PARD3B: variants seen among roughly 807,000 people sequenced by gnomAD.
PARD3B encodes the protein partitioning defective 3 homolog B.
A neutral mutation model predicts 130.2 loss-of-function variants in PARD3B; 103 were observed. The observed-to-expected ratio is 0.79, with a 90% confidence interval of 0.67 to 0.93. PARD3B has a LOEUF of 0.93. Among genes scored for constraint, PARD3B ranks in the 40% least tolerant of loss-of-function variants. PARD3B has a pLI of 0.00. For missense variants in PARD3B, 1,609 were observed against 1,499.2 expected (o/e 1.07, Z -1.21); for synonymous variants, 583 against 553.2 (o/e 1.05, Z -0.76).
chr2:205,003,141 G>A (rs963771289), intron 3 of PARD3B, among the ~76,000 whole-genome samples: 1 of 152,242 alleles, frequency 6.6e-6, no homozygotes, highest in East Asian at 1.9e-4. Flanking sequence ...GGCAATGGCC[G>A]TCCGGTCTTT....
intron 22 of PARD3B, among the ~76,000 whole-genome samples, chr2:205,554,515 T>TA: frequency 6.6e-6 from 1 of 152,244 alleles, no homozygotes; most frequent in South Asian, 2.1e-4. Context: ...TTTATAAAGT[T>TA]ATATTTTATT....
chr2:205,374,109 A>C (rs955171365), intron 18 of PARD3B, among the ~76,000 whole-genome samples: 1 of 152,176 alleles, frequency 6.6e-6, no homozygotes, highest in Non-Finnish European at 1.5e-5. Flanking sequence ...GCAAAAGAGA[A>C]AGAGGGAAAT....
At chr2:204,760,327 T>C (rs1039682015) in intron 2 of PARD3B, among the ~76,000 whole-genome samples, 2 of 152,100 alleles carry the variant, frequency 1.3e-5, no homozygotes, top group Non-Finnish European at 2.9e-5. Context: ...TTTGCTTGTA[T>C]TGATTTTTGT....
intron 22 of PARD3B, among the ~76,000 whole-genome samples, chr2:205,594,045 G>T (rs73062208): frequency 0.02 from 3,067 of 152,314 alleles, 94 homozygotes; most frequent in African/African-American, 0.069. Context: ...CTTGCAGAGG[G>T]CAGGCTGAAG....
intron 13 of PARD3B, among the ~76,000 whole-genome samples, chr2:205,185,425 G>T (rs1253726604): frequency 6.6e-6 from 1 of 152,070 alleles, no homozygotes; most frequent in Non-Finnish European, 1.5e-5. Context: ...AAATATTAAG[G>T]CATAAAACAG....
At chr2:204,781,403 A>G (rs1402207407) in intron 2 of PARD3B, among the ~76,000 whole-genome samples, 1 of 152,180 alleles carries the variant, frequency 6.6e-6, no homozygotes, top group African/African-American at 2.4e-5. Context: ...ACATGTAAAC[A>G]TCTGTACTTG....
intron 22 of PARD3B, among the ~76,000 whole-genome samples, chr2:205,560,391 G>A (rs886594413): frequency 2.0e-5 from 3 of 151,904 alleles, no homozygotes; most frequent in Non-Finnish European, 2.9e-5. Context: ...CGTTCCCTTG[G>A]GCCCTTTGTT....
chr2:204,837,422 CT>C (rs201988854), intron 2 of PARD3B, among the ~76,000 whole-genome samples: 14,733 of 139,980 alleles, frequency 0.11, 804 homozygotes, highest in East Asian at 0.24. Flanking sequence ...ATAAAAATTA[CT>C]TTTTTTTTTT....
At chr2:205,450,993 C>G (rs2048081638) in intron 20 of PARD3B, among the ~76,000 whole-genome samples, 1 of 152,170 alleles carries the variant, frequency 6.6e-6, no homozygotes, top group East Asian at 1.9e-4. Context: ...CAGACTAGTC[C>G]AATTTCTATG....
At chr2:204,563,217 G>GTCTCTGTCTC (rs1553541987) in intron 1 of PARD3B, among the ~76,000 whole-genome samples, 1 of 86,598 alleles carries the variant, frequency 1.2e-5, no homozygotes, top group African/African-American at 4.5e-5. Flanking sequence ...TCTTCCCGCT[G>GTCTCTGTCTC]TCTCTCTCTC....
chr2:204,696,270 A>T (rs574879488), intron 2 of PARD3B, among the ~76,000 whole-genome samples: 1 of 151,950 alleles, frequency 6.6e-6, no homozygotes, highest in African/African-American at 2.4e-5. Flanking sequence ...TTAACGGAAG[A>T]AAAAAACGGA....
At chr2:205,035,313 A>G (rs897917274) in intron 3 of PARD3B, among the ~76,000 whole-genome samples, 42 of 152,256 alleles carry the variant, frequency 2.8e-4, no homozygotes, top group African/African-American at 9.9e-4. Context: ...TCACACATAC[A>G]TACTTGTAAC....
At chr2:205,390,333 G>T (rs1023332359) in intron 18 of PARD3B, among the ~76,000 whole-genome samples, 1 of 151,610 alleles carries the variant, frequency 6.6e-6, no homozygotes, top group Non-Finnish European at 1.5e-5. Context: ...TACTTTCTGT[G>T]ATGTGCAGCA....
chr2:205,238,886 G>GTATA (rs372313084), intron 15 of PARD3B, among the ~76,000 whole-genome samples: 2,786 of 91,968 alleles, frequency 0.03, 97 homozygotes, highest in South Asian at 0.06. Context: ...ATGTATGTGT[G>GTATA]TATATATATA....
intron 3 of PARD3B, among the ~76,000 whole-genome samples, chr2:205,038,126 A>C (rs1035029828): frequency 6.6e-6 from 1 of 152,110 alleles, no homozygotes; most frequent in African/African-American, 2.4e-5. Context: ...TCTGTTTGGC[A>C]TATACACCTG....
intron 18 of PARD3B, among the ~76,000 whole-genome samples, chr2:205,302,715 C>T (rs944943740): frequency 3.3e-5 from 5 of 152,154 alleles, no homozygotes; most frequent in Admixed American, 6.5e-5. Context: ...CTGGGCACAT[C>T]ACTTGTCACC....
At chr2:205,065,638 G>A (rs1260501598) in intron 4 of PARD3B, among the ~76,000 whole-genome samples, 1 of 152,132 alleles carries the variant, frequency 6.6e-6, no homozygotes, top group Non-Finnish European at 1.5e-5. Flanking sequence ...TCTGGTGGTA[G>A]TAACTGAGTT....
chr2:205,426,479 G>A (rs1234042579), intron 19 of PARD3B, among the ~76,000 whole-genome samples: 1 of 152,170 alleles, frequency 6.6e-6, no homozygotes, highest in African/African-American at 2.4e-5. Context: ...CTGTACAGCA[G>A]GTAGTTTATA....
intron 18 of PARD3B, among the ~76,000 whole-genome samples, chr2:205,331,301 A>C (rs1372312032): frequency 6.6e-6 from 1 of 151,756 alleles, no homozygotes. Context: ...GTACACATAC[A>C]CACACACTCC....
Sources: allele counts gnomAD v4.1 joint callset (sites outside exome capture counted in the v4.1 genomes callset), GRCh38; gene constraint gnomAD v4.1.1; transcripts MANE v1.5; gene names NCBI Gene and HGNC (gene_info 2026-07-23, HGNC 2026-07-21).